Variants in LRRC4C observed in about 807,000 individuals in gnomAD.
LRRC4C encodes the protein leucine rich repeat containing 4C.
In LRRC4C, 5 loss-of-function variants were observed where a neutral mutation model predicts 33.6. That is an observed-to-expected ratio of 0.15 (90% CI 0.08 to 0.31). The LOEUF (loss-of-function observed/expected upper bound fraction) is 0.31. LRRC4C is among the 10% of genes least tolerant of loss of function. LRRC4C has a pLI of 1.00. For synonymous variants in LRRC4C, 329 were observed against 302.0 expected, an observed-to-expected ratio of 1.09 and a Z score of -0.93; for missense variants, 560 against 796.7, an observed-to-expected ratio of 0.70 and a Z score of 3.58.
At chr11:41,064,897 G>A (rs1022964045) in intron 1 of LRRC4C, among the ~76,000 whole-genome samples, 24 of 152,308 alleles carry the variant, frequency 1.6e-4, no homozygotes, top group African/African-American at 5.5e-4. Context: ...TTTTTTCTCA[G>A]GGATTTTCGC....
chr11:41,318,430 G>A (rs1409261554), intron 1 of LRRC4C, among the ~76,000 whole-genome samples: 4 of 152,182 alleles, frequency 2.6e-5, no homozygotes, highest in Non-Finnish European at 2.9e-5. Context: ...TTAATTAGCA[G>A]AGATTCCAGT....
In LRRC4C at chr11:40,205,791, T is replaced by A. The variant is rs117007035; in HGVS notation, c.-96+35728A>T. ...ACTAGGTTCTTCATCAAAGAAAATA[T>A]CATTAAGTTACAAGTATGTTAATAG... On this transcript the variant is annotated intron_variant, in intron 5 of 6. Coordinates refer to ENST00000528697, the MANE Select transcript of LRRC4C (RefSeq NM_001258419.2). Among the ~76,000 whole-genome samples, 138 of 152,260 alleles carry A rather than the reference T, an allele frequency of 9.1e-4. 1 individual carries two copies. In the East Asian group the frequency reaches 0.021, roughly 24 times the overall value.
intron 2 of LRRC4C, among the ~76,000 whole-genome samples, chr11:40,871,007 G>A (rs544741057): frequency 3.3e-5 from 5 of 152,200 alleles, no homozygotes; most frequent in South Asian, 4.1e-4. Flanking sequence ...CCACTTCGGC[G>A]GGGCGGCCGT....
chr11:41,366,062 T>C (rs1248775132), intron 1 of LRRC4C, among the ~76,000 whole-genome samples: 1 of 152,166 alleles, frequency 6.6e-6, no homozygotes. Flanking sequence ...AACCTTTTTT[T>C]TTCTGCCTCT....
At chr11:40,956,741 T>TG (rs2136803647) in intron 1 of LRRC4C, among the ~76,000 whole-genome samples, 1 of 151,932 alleles carries the variant, frequency 6.6e-6, no homozygotes, top group South Asian at 2.1e-4. Flanking sequence ...CAAGTTATTT[T>TG]GGGCTAGGAC....
intron 2 of LRRC4C, among the ~76,000 whole-genome samples, chr11:40,872,301 T>A (rs553475892): frequency 7.2e-5 from 10 of 138,074 alleles, no homozygotes; most frequent in Non-Finnish European, 1.6e-4. Flanking sequence ...TCCTTAAAAC[T>A]GGTTTGGCTG....
chr11:41,002,437 T>C (rs1854451215), intron 1 of LRRC4C, among the ~76,000 whole-genome samples: 1 of 152,110 alleles, frequency 6.6e-6, no homozygotes, highest in African/African-American at 2.4e-5. Flanking sequence ...AGAGCAAATC[T>C]CAAGGGAAGC....
chr11:41,209,576 C>T (rs529370621), intron 1 of LRRC4C, among the ~76,000 whole-genome samples: 137 of 150,942 alleles, frequency 9.1e-4, no homozygotes, highest in Non-Finnish European at 1.7e-3. Context: ...ACCTGGGAGG[C>T]TGAGGTTGCA....
intron 3 of LRRC4C, among the ~76,000 whole-genome samples, chr11:40,391,155 G>A (rs1949318772): frequency 6.6e-6 from 1 of 152,090 alleles, no homozygotes; most frequent in African/African-American, 2.4e-5. Flanking sequence ...TAGGATTACA[G>A]GTCATTTCTT....
intron 2 of LRRC4C, among the ~76,000 whole-genome samples, chr11:40,811,848 G>C (rs977714938): frequency 6.6e-6 from 1 of 152,100 alleles, no homozygotes; most frequent in Non-Finnish European, 1.5e-5. Flanking sequence ...TTGTATGTGA[G>C]GTAGAGAGGA....
At position 40,141,766 on chromosome 11, in the gene LRRC4C, G is replaced by A. The variant is rs577440396; in HGVS notation, c.-95-913C>T. ...ACAGGGCTATGGCTGACTCCAACAA[G>A]AAGTTGTTAGCAGGTGGTATAATCT... On this transcript the variant is annotated intron_variant, in intron 5 of 6. Coordinates refer to ENST00000528697, the MANE Select transcript of LRRC4C (RefSeq NM_001258419.2). 9.8e-5 allele frequency among the ~76,000 whole-genome samples: 15 copies of A among 152,310 alleles called. 1 individual carries two copies. In the South Asian group the frequency reaches 3.1e-3, roughly 32 times the overall value.
intron 5 of LRRC4C, among the ~76,000 whole-genome samples, chr11:40,189,784 G>A (rs1413125286): frequency 2.0e-5 from 3 of 152,206 alleles, no homozygotes; most frequent in Admixed American, 6.5e-5. Flanking sequence ...CTGAGAATGA[G>A]CATGACGGAA....
chr11:40,569,342 C>A (rs1438518664), intron 3 of LRRC4C, among the ~76,000 whole-genome samples: 1 of 152,020 alleles, frequency 6.6e-6, no homozygotes, highest in Non-Finnish European at 1.5e-5. Context: ...GTAATTAAGC[C>A]AGAAGAAATT....
intron 3 of LRRC4C, among the ~76,000 whole-genome samples, chr11:40,551,253 G>A (rs1957117093): frequency 6.6e-6 from 1 of 151,910 alleles, no homozygotes. Context: ...ATAAGATTCT[G>A]TCACAAACAA....
intron 3 of LRRC4C, among the ~76,000 whole-genome samples, chr11:40,568,632 A>G (rs905443846): frequency 6.6e-6 from 1 of 152,192 alleles, no homozygotes; most frequent in Admixed American, 6.5e-5. Context: ...TATGAGCAGA[A>G]ACACTCTCTG....
chr11:41,168,807 G>A (rs1021849459), intron 1 of LRRC4C, among the ~76,000 whole-genome samples: 21 of 152,124 alleles, frequency 1.4e-4, no homozygotes, highest in African/African-American at 4.8e-4. Context: ...CCTACACCAG[G>A]CAATCTGTTT....
rs1415687603 is a variant in LRRC4C, at chr11:40,475,457, G to C, written c.-269-155736C>G. Among the ~76,000 whole-genome samples the C allele has an allele frequency of 7.9e-5, 12 of 152,150 alleles. No individual in the cohort carries two copies. The South Asian group carries it at 2.5e-3, about 32-fold the overall frequency. ...CACACACTGGGGCCTGTCAGTGAGT[G>C]GGGGCTAGGGGAGGGATAGCATTAG... On this transcript the variant is annotated intron_variant, in intron 3 of 6. Coordinates refer to ENST00000528697, the MANE Select transcript of LRRC4C (RefSeq NM_001258419.2).
chr11:41,406,394 A>G (rs1190095058), intron 1 of LRRC4C, among the ~76,000 whole-genome samples: 1 of 152,066 alleles, frequency 6.6e-6, no homozygotes, highest in Non-Finnish European at 1.5e-5. Context: ...GGCTTGCTTG[A>G]CTTTAGGAAA....
At chr11:41,227,140 C>A (rs1043955872) in intron 1 of LRRC4C, among the ~76,000 whole-genome samples, 4 of 152,042 alleles carry the variant, frequency 2.6e-5, no homozygotes, top group African/African-American at 9.7e-5. Flanking sequence ...ATGTTTCTCT[C>A]TTTTGGTTTC....
Sources: allele counts gnomAD v4.1 joint callset (sites outside exome capture counted in the v4.1 genomes callset), GRCh38; gene constraint gnomAD v4.1.1; transcripts MANE v1.5; gene names NCBI Gene and HGNC (gene_info 2026-07-23, HGNC 2026-07-21).